CTNNA1: variants seen among roughly 807,000 people sequenced by gnomAD.
CTNNA1 encodes catenin alpha 1.
CTNNA1 carries 37 observed loss-of-function variants against 98.4 expected under a neutral mutation model. The ratio of observed to expected loss-of-function variants is 0.38; its 90% CI spans 0.29 to 0.49. CTNNA1 has a LOEUF of 0.49. CTNNA1 is among the 20% of genes least tolerant of loss of function. The pLI, the probability that CTNNA1 is intolerant of heterozygous loss-of-function variation, is 0.95. For missense variants in CTNNA1, 761 were observed against 1,147.2 expected (o/e 0.66, Z 4.86); for synonymous variants, 404 against 413.2 (o/e 0.98, Z 0.27).
intron 9 of CTNNA1, among the ~76,000 whole-genome samples, chr5:138,900,193 C>T (rs1757734202): frequency 6.6e-6 from 1 of 152,138 alleles, no homozygotes; most frequent in Admixed American, 6.6e-5. Flanking sequence ...GACTTTTAGA[C>T]ATTCAGATCA....
chr5:138,831,135 ATGT>A (rs1044658668), intron 7 of CTNNA1, among the ~76,000 whole-genome samples: 1 of 152,094 alleles, frequency 6.6e-6, no homozygotes, highest in African/African-American at 2.4e-5. Flanking sequence ...GGATTCTCTC[ATGT>A]TGTTATTAAT....
At chr5:138,924,422 C>A in intron 11 of CTNNA1, 88 bp from the exon 12 acceptor site, 1 of 1,355,684 alleles carries the variant, frequency 7.4e-7, no homozygotes, top group Non-Finnish European at 1.0e-6. Context: ...TGGCACCAAG[C>A]AAACAATAAA....
chr5:138,755,468 ACT>A (rs1447611129), intron 1 of CTNNA1, among the ~76,000 whole-genome samples: 2 of 151,684 alleles, frequency 1.3e-5, no homozygotes, highest in Non-Finnish European at 2.9e-5. Context: ...CCTCGCCCTC[ACT>A]CTTTCCTCTC....
intron 8 of CTNNA1, 75 bp from the exon 9 acceptor site, chr5:138,887,415 C>T: frequency 8.9e-7 from 1 of 1,124,544 alleles, no homozygotes; most frequent in Non-Finnish European, 1.3e-6. Context: ...TTTAAGTGTA[C>T]AAGAGAATAA....
At chr5:138,865,881 C>T (rs1343227415) in intron 7 of CTNNA1, among the ~76,000 whole-genome samples, 1 of 152,102 alleles carries the variant, frequency 6.6e-6, no homozygotes, top group Non-Finnish European at 1.5e-5. Context: ...TGATAAATAA[C>T]ATTGTTTTTA....
intron 7 of CTNNA1, chr5:138,872,805 T>C (rs1309746601): frequency 1.1e-5 from 5 of 457,002 alleles, no homozygotes; most frequent in African/African-American, 1.0e-4. Flanking sequence ...GGAGTGCAAA[T>C]TAATGTGAGC....
intron 7 of CTNNA1, among the ~76,000 whole-genome samples, chr5:138,879,790 GT>G (rs1195244502): frequency 2.0e-5 from 3 of 152,114 alleles, no homozygotes; most frequent in Admixed American, 6.5e-5. Context: ...TTGTTATCTT[GT>G]TAGTAAACAC....
At position 138,768,872 on chromosome 5, in the gene CTNNA1, T is replaced by C. The variant is rs1049499359; in HGVS notation, c.-2-13051T>C. ...CAAAGACAGAATGGTCTTTTGGTCT[T>C]AATAATTAATTGCTACAGTGATCTG... On this transcript the variant is annotated intron_variant, in intron 1 of 17. Transcript: ENST00000302763. Among the ~76,000 whole-genome samples, 5 of 152,272 alleles carry C rather than the reference T, an allele frequency of 3.3e-5. No homozygotes were observed. In the South Asian group the frequency reaches 8.3e-4, roughly 25 times the overall value.
chr5:138,866,603 C>T (rs1192343364), intron 7 of CTNNA1, among the ~76,000 whole-genome samples: 1 of 152,120 alleles, frequency 6.6e-6, no homozygotes, highest in Non-Finnish European at 1.5e-5. Context: ...ATTGGGAGTT[C>T]CTGACTTGGA....
intron 7 of CTNNA1, among the ~76,000 whole-genome samples, chr5:138,877,530 C>T (rs550286099): frequency 6.6e-6 from 1 of 151,738 alleles, no homozygotes; most frequent in South Asian, 2.1e-4. Context: ...TCACTGCAAG[C>T]TCCGCTTCCC....
intron 1 of CTNNA1, among the ~76,000 whole-genome samples, chr5:138,756,519 T>G (rs567500170): frequency 3.3e-4 from 50 of 152,190 alleles, no homozygotes; most frequent in South Asian, 1.2e-3. Context: ...CCCTGATTGT[T>G]GGGGGTAGTG....
Position 138,753,434 on chromosome 5 carries a change from G to A in CTNNA1, c.-79G>A. ...TGGGGCGGCCCATTTCCTCCTCCTA[G>A]CCGGACTGGAGGGAGACAAAGCAGC... On this transcript the variant is annotated 5_prime_UTR_variant, in exon 1 of 18. Transcript: ENST00000302763. The A allele has an allele frequency of 2.7e-6, 1 of 373,046 alleles. No individual in the cohort carries two copies. Among genetic ancestry groups the A allele is most frequent in the African/African-American group, 2.1e-5 (1 of 47,226 alleles). The allele number at this position is 373,046 out of a possible 1,614,324, so 23.1% of individuals were successfully genotyped here.
intron 3 of CTNNA1, among the ~76,000 whole-genome samples, chr5:138,785,309 C>T (rs1022198911): frequency 5.3e-5 from 8 of 151,988 alleles, no homozygotes. Context: ...GATCCGCCCG[C>T]CTCGGCCTCC....
At chr5:138,813,523 T>C (rs1241361709) in intron 5 of CTNNA1, among the ~76,000 whole-genome samples, 1 of 152,046 alleles carries the variant, frequency 6.6e-6, no homozygotes, top group Non-Finnish European at 1.5e-5. Context: ...TAGTAGAAAG[T>C]TGGGTTGGGA....
chr5:138,769,425 G>A (rs2149600528), intron 1 of CTNNA1, among the ~76,000 whole-genome samples: 1 of 151,994 alleles, frequency 6.6e-6, no homozygotes, highest in African/African-American at 2.4e-5. Context: ...GTCTCACTGT[G>A]TCGCCTAGGC....
chr5:138,932,228 G>A (rs1765510869), intron 16 of CTNNA1: 2 of 1,065,060 alleles, frequency 1.9e-6, no homozygotes, highest in Non-Finnish European at 2.3e-6. Flanking sequence ...TCACCTCGAG[G>A]GGCATGGGCC....
At chr5:138,896,421 A>G (rs1261989727) in intron 9 of CTNNA1, among the ~76,000 whole-genome samples, 2 of 152,174 alleles carry the variant, frequency 1.3e-5, no homozygotes, top group Non-Finnish European at 2.9e-5. Context: ...ATAGCAGAAT[A>G]TTCGCCATGA....
rs573044841 is a variant in CTNNA1 at position 138,795,707 on chromosome 5, G to A, written c.301+12335G>A. On this transcript the variant is annotated intron_variant, in intron 3 of 17. Transcript: ENST00000302763. ...AAGATGCCAAGCTGTTAAGTACAGG[G>A]CAGTTTTATTATAGGCTTGCCTGTG... is the stretch of plus-strand genomic sequence containing the variant. 1.5e-3 allele frequency among the ~76,000 whole-genome samples: 234 copies of A among 152,096 alleles called. 1 individual carries two copies. Among genetic ancestry groups the A allele is most frequent in the Non-Finnish European group, 2.6e-3 (176 of 67,986 alleles).
rs143804702 is a variant in CTNNA1 at position 138,845,885 on chromosome 5, G to A, written c.1062+18167G>A. ...TTAAATATTCACATATAGATATAGGGTCAGGGAATGATAGCTAAAGGGTAC... is the reference window on the plus strand; with the variant it reads ...TTAAATATTCACATATAGATATAGGATCAGGGAATGATAGCTAAAGGGTAC... On this transcript the variant is annotated intron_variant, in intron 7 of 17. Transcript: ENST00000302763. 7.1e-3 allele frequency among the ~76,000 whole-genome samples: 1,086 copies of A among 152,188 alleles called. 14 individuals carry two copies. The highest frequency in any genetic ancestry group is 0.02 in the African/African-American group (825 of 41,530).
Sources: allele counts gnomAD v4.1 joint callset (sites outside exome capture counted in the v4.1 genomes callset), GRCh38; gene constraint gnomAD v4.1.1; transcripts MANE v1.5; gene names NCBI Gene and HGNC (gene_info 2026-07-23, HGNC 2026-07-21).